The following HSPA9 variants were observed in gnomAD, a reference collection of about 807,000 sequenced individuals.
HSPA9 encodes stress-70 protein, mitochondrial.
HSPA9 carries 28 observed loss-of-function variants against 81.5 expected under a neutral mutation model. That is an observed-to-expected ratio of 0.34 (90% CI 0.25 to 0.47). The LOEUF (loss-of-function observed/expected upper bound fraction) is 0.47, where lower values mean the gene tolerates loss of function less well. HSPA9 is among the 20% of genes least tolerant of loss of function. HSPA9 has a pLI of 1.00. For synonymous variants in HSPA9, 293 were observed against 290.4 expected (o/e 1.01, Z -0.09); for missense variants, 678 against 838.0 (o/e 0.81, Z 2.36).
intron 10 of HSPA9, 39 bp from the exon 11 acceptor site, chr5:138,560,130 G>T: frequency 6.7e-7 from 1 of 1,485,152 alleles, no homozygotes; most frequent in Non-Finnish European, 9.4e-7. Flanking sequence ...GCCCACACTT[G>T]GGAACTACCT....
rs1750618404 is a variant in HSPA9 at position 138,559,999 on chromosome 5, T to G, written c.1275A>C (p.Gly425=). Residue 425 remains glycine (G), a synonymous_variant, in exon 11 of 17, where the codon GGA becomes GGC. Transcript: ENST00000297185. ...EAVAIGAAIQ[G]GVLAGDVTDV... is the part of the protein sequence containing the mutation. The stretch of plus-strand genomic sequence containing the variant: ...CCGTGACATCGCCGGCCAACACACC[T>G]CCCTGAATGGCAGCTCCAATGGCCA... 2.5e-6 allele frequency: 4 copies of G among 1,613,898 alleles called. No individual in the cohort carries two copies. Among genetic ancestry groups the G allele is most frequent in the Non-Finnish European group, 3.4e-6 (4 of 1,179,992 alleles).
chr5:138,559,758 CAG>C lies in HSPA9; in HGVS notation c.1410+104_1410+105del, dbSNP rs555443921. 1.2e-3 allele frequency: 921 copies of C among 778,002 alleles called. 10 individuals are homozygous for C. Among genetic ancestry groups the C allele is most frequent in the Non-Finnish European group, 2.2e-4 (97 of 437,970 alleles). 48.2% of individuals were successfully genotyped at this position (778,002 alleles called of 1,614,324 possible). On this transcript the variant is annotated intron_variant, in intron 11 of 16. Coordinates refer to ENST00000297185, the MANE Select transcript of HSPA9 (RefSeq NM_004134.7). Reference sequence around the variant, plus strand: ...CTGTTTAATATTCTAAACTGTAAAACAGATAAAAATGAAGTTTTCTAGAAAAA... The same window carrying C: ...CTGTTTAATATTCTAAACTGTAAAACATAAAAATGAAGTTTTCTAGAAAAA...
chr5:138,568,636 A>G (rs887051563), intron 5 of HSPA9, among the ~76,000 whole-genome samples: 2 of 152,372 alleles, frequency 1.3e-5, no homozygotes, highest in Admixed American at 6.5e-5. Context: ...AGGAAGTTCT[A>G]ATTTATACCT....
chr5:138,563,615 T>G (rs1750702532), intron 9 of HSPA9, among the ~76,000 whole-genome samples: 1 of 152,204 alleles, frequency 6.6e-6, no homozygotes, highest in South Asian at 2.1e-4. Flanking sequence ...AATCGACACA[T>G]GACCATGTTA....
intron 13 of HSPA9, 23 bp downstream of exon 13, chr5:138,557,846 G>T: frequency 1.4e-6 from 2 of 1,424,660 alleles, no homozygotes; most frequent in Non-Finnish European, 2.0e-6. Flanking sequence ...CACTCTTAGG[G>T]TCTGATAAAC....
chr5:138,566,494 A>C (rs1750765217), intron 9 of HSPA9, 132 bp downstream of exon 9: 1 of 740,130 alleles, frequency 1.4e-6, no homozygotes, highest in Non-Finnish European at 2.4e-6. Flanking sequence ...GTCTCTAGAA[A>C]CCAGAAAACT....
rs1336254674 is a variant in HSPA9, at chr5:138,567,037, G to C, written c.843C>G (p.Ala281=). The stretch of plus-strand genomic sequence containing the variant: ...ACTCCTTCACAATGTGCCGTAGCAA[G>C]GCCTGGTCAAAGTCTTCCCCACCTA... ...TFLGGEDFDQ[A]LLRHIVKEFK... Residue 281 remains alanine, a synonymous_variant, in exon 8 of 17, where the codon GCC becomes GCG. Transcript: ENST00000297185. The C allele has an allele frequency of 6.2e-7, 1 of 1,612,806 alleles. No individual in the cohort carries two copies. The highest frequency in any genetic ancestry group is 1.3e-5 in the African/African-American group (1 of 74,836).
In HSPA9 at chr5:138,554,603, G is replaced by A. The variant is rs1418581010; in HGVS notation, c.*1434C>T. 6.6e-6 allele frequency among the ~76,000 whole-genome samples: 1 copy of A among 152,076 alleles called. No homozygotes were observed. Among genetic ancestry groups the A allele is most frequent in the East Asian group, 1.9e-4 (1 of 5,198 alleles). On this transcript the variant is annotated 3_prime_UTR_variant, in exon 17 of 17. Transcript: ENST00000297185. Reference sequence around the variant, plus strand: ...AATTGATTTCTTATACTGATTTTTGGAAATACAGTAATCTCATTTCTACAT... The same window carrying A: ...AATTGATTTCTTATACTGATTTTTGAAAATACAGTAATCTCATTTCTACAT...
chr5:138,567,225 G>C (rs1750786883), intron 7 of HSPA9, 62 bp from the exon 8 acceptor site: 4 of 1,407,406 alleles, frequency 2.8e-6, no homozygotes, highest in Non-Finnish European at 3.9e-6. Flanking sequence ...CTATCACCAG[G>C]ATATAAATTT....
intron 9 of HSPA9, among the ~76,000 whole-genome samples, chr5:138,566,179 ACT>A (rs887205196): frequency 1.5e-5 from 2 of 137,698 alleles, no homozygotes; most frequent in African/African-American, 2.8e-5. Flanking sequence ...CAGGAGCAAA[ACT>A]CTGTCTCAAA....
At position 138,555,798 on chromosome 5, in the gene HSPA9, A is replaced by G. The variant is rs1176107353; in HGVS notation, c.*239T>C. On this transcript the variant is annotated 3_prime_UTR_variant, in exon 17 of 17. Coordinates refer to ENST00000297185, the MANE Select transcript of HSPA9 (RefSeq NM_004134.7). ...ATCAATTCATCCTACCTCCTTTTAC[A>G]TGCAGCTGAAAAATGACAGGCTAGG... 1 of 560,984 alleles carries G rather than the reference A, an allele frequency of 1.8e-6. No homozygotes were observed. The highest frequency in any genetic ancestry group is 3.2e-6 in the Non-Finnish European group (1 of 315,786). 34.8% of individuals were successfully genotyped at this position (560,984 alleles called of 1,614,324 possible). A position where few individuals can be genotyped will look rare whatever the true frequency, so the allele number is the denominator to read the frequency against.
chr5:138,570,146 T>G (rs1272927981), intron 4 of HSPA9, among the ~76,000 whole-genome samples: 2 of 151,882 alleles, frequency 1.3e-5, no homozygotes, highest in African/African-American at 4.8e-5. Flanking sequence ...ATTACAGGTG[T>G]GAGTCACCCC....
At chr5:138,568,734 C>G (rs961298523) in intron 5 of HSPA9, among the ~76,000 whole-genome samples, 191 bp downstream of exon 5, 1 of 152,180 alleles carries the variant, frequency 6.6e-6, no homozygotes, top group African/African-American at 2.4e-5. Flanking sequence ...AGCCAGCCAC[C>G]ATTAGTGAGA....
chr5:138,561,447 T>C, intron 10 of HSPA9, 133 bp downstream of exon 10: 1 of 736,292 alleles, frequency 1.4e-6, no homozygotes. Flanking sequence ...AAAAGAATTC[T>C]TTAGTGAGTA....
At chr5:138,573,879 CTAT>C in intron 2 of HSPA9, 29 bp from the exon 3 acceptor site, 1 of 1,548,652 alleles carries the variant, frequency 6.5e-7, no homozygotes, top group South Asian at 1.1e-5. Context: ...AGTGTCACAG[CTAT>C]TGTTATCTTG....
Position 138,575,304 on chromosome 5 carries a change from G to C in HSPA9, c.15C>G (p.Ser5Arg). 1 of 1,612,136 alleles carries C rather than the reference G, an allele frequency of 6.2e-7. No homozygotes were observed. Among genetic ancestry groups the C allele is most frequent in the Non-Finnish European group, 8.5e-7 (1 of 1,179,460 alleles). Residue 5 changes from serine (S) to arginine (R), a missense_variant, in exon 1 of 17, where the codon AGC (serine) becomes AGG (arginine). Transcript: ENST00000297185. MISA[S>R]RAAAARLVGA... ...CCACGAGACGGGCTGCTGCAGCTCG[G>C]CTGGCACTTATCATGGCGGATAAAT... is the stretch of plus-strand genomic sequence containing the variant.
chr5:138,556,209 CTCA>C, intron 16 of HSPA9, 95 bp from the exon 17 acceptor site: 1 of 1,095,034 alleles, frequency 9.1e-7, no homozygotes, highest in Non-Finnish European at 1.4e-6. Context: ...CACATATGTC[CTCA>C]TCATTCATTT....
chr5:138,558,525 A>G (rs1473172306), intron 12 of HSPA9, 28 bp downstream of exon 12: 1 of 1,316,066 alleles, frequency 7.6e-7, no homozygotes. Flanking sequence ...TGAAGGAGGC[A>G]TAGTATTCAG....
intron 7 of HSPA9, 57 bp from the exon 8 acceptor site, chr5:138,567,220 A>G (rs1324700092): frequency 7.0e-7 from 1 of 1,422,850 alleles, no homozygotes; most frequent in Non-Finnish European, 9.7e-7. Context: ...AAAACCTATC[A>G]CCAGGATATA....
Sources: gnomAD v4.1 joint callset for allele counts (sites outside exome capture counted in the v4.1 genomes callset) on GRCh38, gnomAD v4.1.1 for gene constraint, MANE v1.5 for transcripts, NCBI Gene and HGNC (gene_info 2026-07-23, HGNC 2026-07-21) for gene names.